QARS1: variants seen among roughly 807,000 people sequenced by gnomAD.
The protein encoded by QARS1 is glutamine--tRNA ligase.
Under a neutral mutation model 106.9 loss-of-function variants are expected in QARS1, and 79 were observed. The ratio of observed to expected loss-of-function variants is 0.74; its 90% CI spans 0.62 to 0.89. QARS1 has a LOEUF of 0.89. Ranked by LOEUF, QARS1 falls within the 40% of genes least tolerant of loss-of-function variation. The probability of loss-of-function intolerance (pLI) is 0.00; values close to 1 mark genes in which losing one functional copy is unlikely to be tolerated. For missense variants in QARS1, 966 were observed against 997.2 expected (o/e 0.97, Z 0.42); for synonymous variants, 395 against 367.7 (o/e 1.07, Z -0.85).
chr3:49,099,823 G>C lies in QARS1; in HGVS notation c.1326C>G (p.His442Gln). 1 of 1,614,014 alleles carries C rather than the reference G, an allele frequency of 6.2e-7. No homozygotes were observed. Among genetic ancestry groups the C allele is most frequent in the Non-Finnish European group, 8.5e-7 (1 of 1,179,988 alleles). Residue 442 changes from histidine to glutamine, a missense_variant, in exon 15 of 24, where the codon CAC becomes CAG. His to Gln is a conservative substitution (Grantham distance 24, BLOSUM62 0). Transcript: ENST00000306125. ...TGTGCTCGATGGAGTCACAGAGGCAGTGTGTGTAGTCGTAGGTGGGATAGA... is the reference window on the plus strand; with the variant it reads ...TGTGCTCGATGGAGTCACAGAGGCACTGTGTGTAGTCGTAGGTGGGATAGA... ...WCIYPTYDYT[H>Q]CLCDSIEHIT...
chr3:49,100,303 G>A lies in QARS1; in HGVS notation c.1056-5C>T. 1 of 1,614,238 alleles carries A rather than the reference G, an allele frequency of 6.2e-7. No individual in the cohort carries two copies. The highest frequency in any genetic ancestry group is 8.5e-7 in the Non-Finnish European group (1 of 1,180,020). ...TGGCACACATAAGCCAGACCCCTGT[G>A]GGGAAGCGGTGTGAGTGCCCAGCAT... On this transcript the variant is annotated splice_region_variant and splice_polypyrimidine_tract_variant and intron_variant, in intron 12 of 23. Coordinates refer to ENST00000306125, the MANE Select transcript of QARS1 (RefSeq NM_005051.3).
chr3:49,100,320 G>C lies in QARS1; in HGVS notation c.1056-22C>G, dbSNP rs757126183. 3 of 1,614,084 alleles carry C rather than the reference G, an allele frequency of 1.9e-6. No homozygotes were observed. In the Admixed American group the frequency reaches 5.0e-5, roughly 27 times the overall value. On this transcript the variant is annotated intron_variant, in intron 12 of 23. Transcript: ENST00000306125. ...ACCCCTGTGGGGAAGCGGTGTGAGT[G>C]CCCAGCATGGCTGTGACCTAGTCAG...
In QARS1 at chr3:49,102,426, T is replaced by A. The variant is rs753737887; in HGVS notation, c.563A>T (p.Lys188Met). ...GGCCATGCCCATCCCTACCTTGAAC[T>A]TCTTCTCCAGATCAGCCTCCAACTT... is the stretch of plus-strand genomic sequence containing the variant. ...GPKLEADLEK[K>M]FKVAKARLEE... is the part of the protein sequence containing the mutation. Residue 188 changes from lysine (K) to methionine (M), a missense_variant, in exon 6 of 24, where the codon AAG (lysine) becomes ATG (methionine). Lys to Met is a moderately conservative substitution (Grantham distance 95). Transcript: ENST00000306125. The A allele has an allele frequency of 3.7e-6, 6 of 1,614,100 alleles. No individual in the cohort carries two copies. The highest frequency in any genetic ancestry group is 1.1e-5 in the South Asian group (1 of 91,052).
intron 23 of QARS1, among the ~76,000 whole-genome samples, chr3:49,097,603 T>A (rs1342679868): frequency 1.3e-5 from 2 of 151,262 alleles, no homozygotes; most frequent in African/African-American, 4.8e-5. Context: ...GAGACCATCC[T>A]GGCCAACATG....
rs1308125585 is a variant in QARS1 at position 49,102,042 on chromosome 3, G to A, written c.632-143C>T. 7.6e-6 allele frequency: 10 copies of A among 1,309,040 alleles called. No individual in the cohort carries two copies. In the African/African-American group the frequency reaches 1.0e-4, roughly 14 times the overall value. 81.1% of individuals were successfully genotyped at this position (1,309,040 alleles called of 1,614,324 possible). On this transcript the variant is annotated intron_variant, in intron 7 of 23. Coordinates refer to ENST00000306125, the MANE Select transcript of QARS1 (RefSeq NM_005051.3). ...CAGACATCTGAGGCCTCTCATGCCA[G>A]TCTCTGGGCAAAGGGAACAAAAGAA...
At chr3:49,096,320 T>G (rs541462400) in intron 23 of QARS1, among the ~76,000 whole-genome samples, 1 of 152,304 alleles carries the variant, frequency 6.6e-6, no homozygotes, top group Admixed American at 6.5e-5. Context: ...GGGTATAGTT[T>G]TATATGGATT....
Position 49,100,598 on chromosome 3 carries a change from A to T in QARS1, c.953T>A (p.Ile318Asn), listed in dbSNP as rs937293445. The change falls in exon 11 of 24, where the codon ATC (isoleucine) becomes AAC (asparagine). Residue 318 changes from isoleucine (I) to asparagine (N), a missense_variant. By Grantham distance (149) the Ile-to-Asn change is moderately radical. Transcript: ENST00000306125. ...EKEEAKFFTA[I>N]CDMVAWLGYT... Reference sequence around the variant, plus strand: ...ACCTAGCCAGGCTACCATGTCACAGATGGCCGTGAAGAACTTTGCTTCCTC... The same window carrying T: ...ACCTAGCCAGGCTACCATGTCACAGTTGGCCGTGAAGAACTTTGCTTCCTC... The T allele has an allele frequency of 3.7e-6, 6 of 1,607,538 alleles. No homozygotes were observed. In the African/African-American group the frequency reaches 8.0e-5, roughly 22 times the overall value.
At chr3:49,097,308 G>C (rs1309084430) in intron 23 of QARS1, 1 of 151,820 alleles carries the variant, frequency 6.6e-6, no homozygotes, top group Non-Finnish European at 1.5e-5. Context: ...TAAAAAGAAA[G>C]GTTATTAGCT....
chr3:49,101,942 T>C (rs770418522), intron 7 of QARS1, 43 bp from the exon 8 acceptor site: 8 of 1,571,596 alleles, frequency 5.1e-6, no homozygotes, highest in Admixed American at 1.8e-5. Flanking sequence ...CTAGATACAT[T>C]TACCATATCC....
rs746293241 is a variant in QARS1, at chr3:49,098,357, G to A, written c.2080C>T (p.Arg694Ter). 6.2e-6 allele frequency: 10 copies of A among 1,614,050 alleles called. No homozygotes were observed. The highest frequency in any genetic ancestry group is 8.5e-6 in the Non-Finnish European group (10 of 1,180,038). The change falls in exon 21 of 24, where the codon CGA (arginine) becomes TGA (stop). Residue 694 changes from arginine to a stop codon, truncating the protein, a stop_gained. Coordinates refer to ENST00000306125, the MANE Select transcript of QARS1 (RefSeq NM_005051.3). LOFTEE classifies it high-confidence loss of function. ...PLMCEVRLYERLFQHKNPEDP... is the reference protein window; with the variant it reads ...PLMCEVRLYE The stretch of plus-strand genomic sequence containing the variant: ...ACCCCAGCTCTGTTCACTCACAGTC[G>A]CTCATAGAGGCGAACCTCACACATC...
chr3:49,104,369 T>G lies in QARS1; in HGVS notation c.220A>C (p.Ser74Arg). 1 of 1,614,166 alleles carries G rather than the reference T, an allele frequency of 6.2e-7. No homozygotes were observed. Among genetic ancestry groups the G allele is most frequent in the Non-Finnish European group, 8.5e-7 (1 of 1,180,020 alleles). Residue 74 changes from serine (S) to arginine (R), a missense_variant, in exon 2 of 24, where the codon AGC becomes CGC. Coordinates refer to ENST00000306125, the MANE Select transcript of QARS1 (RefSeq NM_005051.3). The part of the protein sequence containing the change: ...RDTRRLSFLV[S>R]YIASKKIHTE... ...TGGATCTTCTTACTGGCTATGTAGC[T>G]TACAAGGAAGGAGAGACGCCGGGTA...
chr3:49,104,264 C>T (rs1422013900), intron 2 of QARS1, 60 bp downstream of exon 2: 3 of 1,598,708 alleles, frequency 1.9e-6, no homozygotes, highest in Non-Finnish European at 2.6e-6. Context: ...AAAGGGAAGA[C>T]AGGGGTCTTG....
Position 49,098,878 on chromosome 3 carries a change from A to G in QARS1, c.1863+7T>C, listed in dbSNP as rs1368869759. 6.2e-7 allele frequency: 1 copy of G among 1,607,036 alleles called. No individual in the cohort carries two copies. Among genetic ancestry groups the G allele is most frequent in the Admixed American group, 1.7e-5 (1 of 59,976 alleles). ...AGCAAACGGGACCCTCCACCCCCACAATTTACCTCCTTGAAGTCAGTCCTC... is the reference window on the plus strand; with the variant it reads ...AGCAAACGGGACCCTCCACCCCCACGATTTACCTCCTTGAAGTCAGTCCTC... On this transcript the variant is annotated splice_region_variant and intron_variant, in intron 19 of 23. Coordinates refer to ENST00000306125, the MANE Select transcript of QARS1 (RefSeq NM_005051.3).
rs1333683203 is a variant in QARS1, at chr3:49,104,699, C to G, written c.35G>C (p.Ser12Thr). 4 of 1,612,754 alleles carry G rather than the reference C, an allele frequency of 2.5e-6. No homozygotes were observed. Among genetic ancestry groups the G allele is most frequent in the Non-Finnish European group, 1.7e-6 (2 of 1,179,322 alleles). The change falls in exon 1 of 24, where the codon AGC becomes ACC. Residue 12 changes from serine (S) to threonine (T), a missense_variant. Physicochemically the swap from Ser to Thr is moderately conservative, Grantham distance 58. Transcript: ENST00000306125. ...GGCCTTCTGCTCGCTCAGGCCGAGGCTAGTGAAGAGCGACAGGGAGTCTAG... is the reference window on the plus strand; with the variant it reads ...GGCCTTCTGCTCGCTCAGGCCGAGGGTAGTGAAGAGCGACAGGGAGTCTAG... ...AALDSLSLFT[S>T]LGLSEQKARE...
At chr3:49,096,344 T>C (rs994508284) in intron 23 of QARS1, among the ~76,000 whole-genome samples, 6 of 152,188 alleles carry the variant, frequency 3.9e-5, no homozygotes, top group Admixed American at 1.3e-4. Context: ...ACAACCACCA[T>C]GTTTGCCCCC....
rs2042429880 is a variant in QARS1 at position 49,099,003 on chromosome 3, C to G, written c.1759-14G>C. On this transcript the variant is annotated splice_polypyrimidine_tract_variant and intron_variant, in intron 18 of 23. Coordinates refer to ENST00000306125, the MANE Select transcript of QARS1 (RefSeq NM_005051.3). ...GATGTCCAAGGACTATAGCAGGAGACAGGAGACAGGTATGAGTCATACTCA... is the reference window on the plus strand; with the variant it reads ...GATGTCCAAGGACTATAGCAGGAGAGAGGAGACAGGTATGAGTCATACTCA... 6.2e-7 allele frequency: 1 copy of G among 1,612,990 alleles called. No homozygotes were observed. Among genetic ancestry groups the G allele is most frequent in the African/African-American group, 1.3e-5 (1 of 74,988 alleles).
chr3:49,099,955 A>G lies in QARS1; in HGVS notation c.1295+6T>C. 1.2e-6 allele frequency: 2 copies of G among 1,613,882 alleles called. No homozygotes were observed. The highest frequency in any genetic ancestry group is 1.7e-6 in the Non-Finnish European group (2 of 1,179,954). On this transcript the variant is annotated splice_donor_region_variant and intron_variant, in intron 14 of 23. Coordinates refer to ENST00000306125, the MANE Select transcript of QARS1 (RefSeq NM_005051.3). ...GCCCCACCACCCCACCCCATTCTACACCCACCATTTGTCCCCTGTGCGGTG... is the reference window on the plus strand; with the variant it reads ...GCCCCACCACCCCACCCCATTCTACGCCCACCATTTGTCCCCTGTGCGGTG...
chr3:49,096,137 G>C, intron 23 of QARS1, 58 bp from the exon 24 acceptor site: 2 of 1,589,648 alleles, frequency 1.3e-6, no homozygotes, highest in South Asian at 2.2e-5. Flanking sequence ...GGGAGGCCTG[G>C]GCAGGTTTCA....
At position 49,104,745 on chromosome 3, in the gene QARS1, C is replaced by A. The variant is rs774083018; in HGVS notation, c.-12G>T. ...TCTAGAGCCGCCATTGCAGAGACAC[C>A]GGAAACTAAAAGAAACTTAGGCCCC... On this transcript the variant is annotated 5_prime_UTR_variant, in exon 1 of 24. Transcript: ENST00000306125. The A allele has an allele frequency of 1.9e-6, 3 of 1,610,806 alleles. No homozygotes were observed. Among genetic ancestry groups the A allele is most frequent in the Non-Finnish European group, 2.5e-6 (3 of 1,177,520 alleles).
Sources: gnomAD v4.1 joint callset for allele counts (sites outside exome capture counted in the v4.1 genomes callset) on GRCh38, gnomAD v4.1.1 for gene constraint, MANE v1.5 for transcripts, NCBI Gene and HGNC (gene_info 2026-07-23, HGNC 2026-07-21) for gene names.